ATRNL1: variants seen among roughly 807,000 people sequenced by gnomAD.
ATRNL1 encodes the protein attractin like 1, also known as attractin-like protein 1.
A neutral mutation model predicts 182.7 loss-of-function variants in ATRNL1; 95 were observed. The observed-to-expected ratio is 0.52, with a 90% CI of 0.44 to 0.62. The LOEUF is 0.62. Among genes scored for constraint, ATRNL1 ranks in the 20% least tolerant of loss-of-function variants. The pLI is 0.00. For synonymous variants in ATRNL1, 576 were observed against 568.3 expected (o/e 1.01, Z -0.19); for missense variants, 1,471 against 1,679.5 (o/e 0.88, Z 2.17).
intron 9 of ATRNL1, among the ~76,000 whole-genome samples, chr10:115,224,077 A>G (rs1480714705): frequency 6.6e-6 from 1 of 151,182 alleles, no homozygotes; most frequent in Non-Finnish European, 1.5e-5. Context: ...CTGGGACTAC[A>G]GGCATGTGCC....
chr10:115,112,278 A>C (rs1844291208), intron 1 of ATRNL1, among the ~76,000 whole-genome samples: 1 of 152,202 alleles, frequency 6.6e-6, no homozygotes, highest in South Asian at 2.1e-4. Context: ...AATTAGAAAA[A>C]AATCCTATAA....
chr10:115,301,933 G>A lies in ATRNL1; in HGVS notation c.2708G>A (p.Gly903Asp). The change falls in exon 17 of 29, where the codon GGC becomes GAC. Residue 903 changes from glycine to aspartate, a missense_variant. Coordinates refer to ENST00000355044, the MANE Select transcript of ATRNL1 (RefSeq NM_207303.4). ...RTSCSNCTSN[G>D]MECMWCSSTK... ...TCATGTTCCAACTGTACAAGCAATG[G>A]CATGGAGTGTATGTGGTGCAGCAGT... The A allele has an allele frequency of 6.2e-7, 1 of 1,614,058 alleles. No homozygotes were observed. The highest frequency in any genetic ancestry group is 8.5e-7 in the Non-Finnish European group (1 of 1,179,944).
At chr10:115,882,019 G>A (rs1366618084) in intron 28 of ATRNL1, among the ~76,000 whole-genome samples, 2 of 152,110 alleles carry the variant, frequency 1.3e-5, no homozygotes, top group African/African-American at 4.8e-5. Flanking sequence ...ACCCTTCCCA[G>A]CCTGTCATAT....
intron 19 of ATRNL1, among the ~76,000 whole-genome samples, chr10:115,375,590 T>G (rs1857627240): frequency 6.6e-6 from 1 of 152,070 alleles, no homozygotes; most frequent in Non-Finnish European, 1.5e-5. Flanking sequence ...ATTTTTATAG[T>G]GGTATGCTCT....
At chr10:115,467,148 A>T (rs782195437) in intron 22 of ATRNL1, 26 bp from the exon 23 acceptor site, 1 of 1,529,720 alleles carries the variant, frequency 6.5e-7, no homozygotes, top group Non-Finnish European at 9.0e-7. Context: ...TTCGTTTTTT[A>T]ACCTTAATAT....
chr10:115,215,951 C>G, intron 9 of ATRNL1, 71 bp downstream of exon 9: 1 of 1,211,612 alleles, frequency 8.3e-7, no homozygotes, highest in Non-Finnish European at 1.1e-6. Context: ...AAAATGGTTT[C>G]TGACATAGAA....
At position 115,355,647 on chromosome 10, in the gene ATRNL1, A is replaced by G. The variant is rs567815337; in HGVS notation, c.3175+21228A>G. Among the ~76,000 whole-genome samples, 13 of 152,270 alleles carry G rather than the reference A, an allele frequency of 8.5e-5. 1 individual carries two copies. The South Asian group carries it at 2.5e-3, about 29-fold the overall frequency. ...ATCATGAAATATACAGACATTAAAA[A>G]AAATTCCAATCCTATATAACTAATA... On this transcript the variant is annotated intron_variant, in intron 19 of 28. Transcript: ENST00000355044.
intron 28 of ATRNL1, among the ~76,000 whole-genome samples, chr10:115,902,971 T>C (rs1555113824): frequency 6.6e-6 from 1 of 152,172 alleles, no homozygotes; most frequent in Non-Finnish European, 1.5e-5. Context: ...TGACACATCT[T>C]TCCAGAAATC....
chr10:115,721,632 C>T (rs12254907), intron 26 of ATRNL1, among the ~76,000 whole-genome samples: 1,690 of 152,220 alleles, frequency 0.011, 36 homozygotes, highest in African/African-American at 0.038. Flanking sequence ...GAGAATAACA[C>T]GGGAAAGACC....
At chr10:115,738,508 T>C (rs1555066800) in intron 27 of ATRNL1, among the ~76,000 whole-genome samples, 3 of 152,132 alleles carry the variant, frequency 2.0e-5, no homozygotes, top group Non-Finnish European at 2.9e-5. Flanking sequence ...CTTTGGTTCT[T>C]GAAGTGAGGA....
chr10:115,181,914 A>G (rs780408228), intron 8 of ATRNL1, among the ~76,000 whole-genome samples: 4 of 151,656 alleles, frequency 2.6e-5, no homozygotes, highest in African/African-American at 4.8e-5. Context: ...TAATTAGACA[A>G]ATAAGAAGAT....
At chr10:115,246,450 C>T (rs1554904101) in intron 10 of ATRNL1, among the ~76,000 whole-genome samples, 1 of 152,124 alleles carries the variant, frequency 6.6e-6, no homozygotes, top group East Asian at 1.9e-4. Context: ...TTGAATTTCA[C>T]TCTACCTGTC....
At chr10:115,630,191 A>C (rs964299260) in intron 26 of ATRNL1, among the ~76,000 whole-genome samples, 2 of 152,124 alleles carry the variant, frequency 1.3e-5, no homozygotes, top group African/African-American at 4.8e-5. Flanking sequence ...AAAATTTAAA[A>C]ATGGACAAAA....
At chr10:115,174,171 C>T (rs113201182) in intron 8 of ATRNL1, among the ~76,000 whole-genome samples, 36 of 151,708 alleles carry the variant, frequency 2.4e-4, no homozygotes, top group Non-Finnish European at 4.3e-4. Context: ...GATTTTTGTA[C>T]GTTCATACCT....
intron 18 of ATRNL1, among the ~76,000 whole-genome samples, chr10:115,333,702 G>T (rs1379664474): frequency 6.6e-6 from 1 of 151,952 alleles, no homozygotes; most frequent in African/African-American, 2.4e-5. Context: ...GGCCAGGCTG[G>T]TCTCAAACTC....
chr10:115,346,000 T>A (rs1855958562), intron 19 of ATRNL1, among the ~76,000 whole-genome samples: 1 of 152,246 alleles, frequency 6.6e-6, no homozygotes, highest in African/African-American at 2.4e-5. Context: ...ATTGAATATC[T>A]TTTGATGTGC....
At chr10:115,371,190 A>T (rs574218881) in intron 19 of ATRNL1, among the ~76,000 whole-genome samples, 1 of 152,262 alleles carries the variant, frequency 6.6e-6, no homozygotes, top group African/African-American at 2.4e-5. Flanking sequence ...GGGGTGGGGC[A>T]CTCATGGAGA....
chr10:115,372,070 G>C (rs1267873900), intron 19 of ATRNL1, among the ~76,000 whole-genome samples: 1 of 152,278 alleles, frequency 6.6e-6, no homozygotes, highest in East Asian at 1.9e-4. Flanking sequence ...TGCCGTGATT[G>C]TGTGGCCTCC....
chr10:115,648,771 T>C (rs1408163950), intron 26 of ATRNL1, among the ~76,000 whole-genome samples: 2 of 152,198 alleles, frequency 1.3e-5, no homozygotes, highest in Non-Finnish European at 2.9e-5. Context: ...TTGGTATTGT[T>C]TCATTATGTG....
Sources: allele counts gnomAD v4.1 joint callset (sites outside exome capture counted in the v4.1 genomes callset), GRCh38; gene constraint gnomAD v4.1.1; transcripts MANE v1.5; gene names NCBI Gene and HGNC (gene_info 2026-07-23, HGNC 2026-07-21).